The following CPNE4 variants were observed in gnomAD, a reference collection of about 807,000 sequenced individuals.
CPNE4 encodes copine 4.
A neutral mutation model predicts 67.9 loss-of-function variants in CPNE4; 25 were observed. The observed-to-expected ratio is 0.37, with a 90% CI of 0.27 to 0.51. The LOEUF is 0.51. CPNE4 is among the 20% of genes least tolerant of loss of function. CPNE4 has a pLI of 0.93. For synonymous variants in CPNE4, 242 were observed against 244.9 expected (o/e 0.99, Z 0.11); for missense variants, 464 against 690.8 (o/e 0.67, Z 3.68).
At chr3:131,916,508 T>A (rs542126560) in intron 1 of CPNE4, among the ~76,000 whole-genome samples, 6 of 152,220 alleles carry the variant, frequency 3.9e-5, no homozygotes, top group Non-Finnish European at 7.3e-5. Flanking sequence ...TAAGAATTGC[T>A]TCATGTACTT....
intron 1 of CPNE4, among the ~76,000 whole-genome samples, chr3:132,016,904 CTTAAA>C (rs1047910887): frequency 5.9e-5 from 9 of 152,142 alleles, no homozygotes; most frequent in Admixed American, 3.3e-4. Flanking sequence ...TACCTCAATT[CTTAAA>C]TTTAATTTTA....
intron 1 of CPNE4, among the ~76,000 whole-genome samples, chr3:132,013,907 T>C (rs1308439850): frequency 2.0e-5 from 3 of 152,190 alleles, no homozygotes; most frequent in Admixed American, 2.0e-4. Flanking sequence ...GGTCCTAACT[T>C]CTGTATAATG....
chr3:131,980,765 T>G (rs572205084), intron 1 of CPNE4, among the ~76,000 whole-genome samples: 35 of 152,254 alleles, frequency 2.3e-4, no homozygotes, highest in African/African-American at 7.9e-4. Context: ...GGGGTGTTCA[T>G]GAGTCTTGTT....
At chr3:131,956,512 C>T (rs1359808753) in intron 1 of CPNE4, among the ~76,000 whole-genome samples, 2 of 152,132 alleles carry the variant, frequency 1.3e-5, no homozygotes, top group African/African-American at 4.8e-5. Context: ...GAAGAGCATA[C>T]TCATTACTTG....
At position 131,575,101 on chromosome 3, in the gene CPNE4, G is replaced by A. The variant is rs1559923689; in HGVS notation, c.897C>T (p.Tyr299=). 1.9e-6 allele frequency: 3 copies of A among 1,612,820 alleles called. No homozygotes were observed. The highest frequency in any genetic ancestry group is 2.2e-5 in the East Asian group (1 of 44,832). The change falls in exon 10 of 16, where the codon TAC becomes TAT. Residue 299 remains tyrosine, a synonymous_variant. Coordinates refer to ENST00000429747, the MANE Select transcript of CPNE4 (RefSeq NM_130808.3). The part of the protein sequence containing the change: ...KIHKMHSFLD[Y]IMGGCQIQFT... Reference sequence around the variant, plus strand: ...ACTGGATTTGGCAGCCACCCATGATGTAGTCCAAGAAAGAATGCATCTTGT... The same window carrying A: ...ACTGGATTTGGCAGCCACCCATGATATAGTCCAAGAAAGAATGCATCTTGT...
chr3:131,562,544 T>C (rs1171369495), intron 11 of CPNE4, among the ~76,000 whole-genome samples: 2 of 152,082 alleles, frequency 1.3e-5, no homozygotes, highest in African/African-American at 2.4e-5. Context: ...ATCCTGAAGA[T>C]ACTCTCCCCC....
chr3:131,965,348 T>A (rs899203864), intron 1 of CPNE4, among the ~76,000 whole-genome samples: 2 of 152,228 alleles, frequency 1.3e-5, no homozygotes, highest in Non-Finnish European at 2.9e-5. Flanking sequence ...AGTATCATGA[T>A]GACAAGATCA....
chr3:131,770,056 C>A (rs2083127136), intron 2 of CPNE4, among the ~76,000 whole-genome samples: 1 of 152,128 alleles, frequency 6.6e-6, no homozygotes, highest in South Asian at 2.1e-4. Flanking sequence ...CAAGTTCTGT[C>A]ATTTCCATAT....
intron 2 of CPNE4, among the ~76,000 whole-genome samples, chr3:131,770,885 T>C (rs1560277478): frequency 6.6e-6 from 1 of 152,208 alleles, no homozygotes; most frequent in East Asian, 1.9e-4. Context: ...AGCTATGTGC[T>C]AGAGTTGTGT....
rs58052150 is a variant in CPNE4 at position 131,848,699 on chromosome 3, C to T, written c.180+56565G>A. Among the ~76,000 whole-genome samples, 1,123 of 149,980 alleles carry T rather than the reference C, an allele frequency of 7.5e-3. 16 individuals are homozygous for T. The highest frequency in any genetic ancestry group is 0.026 in the African/African-American group (1,084 of 40,936). On this transcript the variant is annotated intron_variant, in intron 2 of 15. Transcript: ENST00000429747. ...AAAAAAAAACCTGCAGATTTGCGCT[C>T]AACCCCAATTTGGTTCATCTGAACA... is the stretch of plus-strand genomic sequence containing the variant.
intron 5 of CPNE4, among the ~76,000 whole-genome samples, chr3:131,692,860 T>C (rs757343906): frequency 6.6e-6 from 1 of 152,194 alleles, no homozygotes; most frequent in Non-Finnish European, 1.5e-5. Flanking sequence ...ATATGAATAC[T>C]TTCTCAAGAA....
chr3:131,537,956 C>T (rs531556334), intron 15 of CPNE4, among the ~76,000 whole-genome samples: 16 of 152,146 alleles, frequency 1.1e-4, no homozygotes, highest in Admixed American at 7.2e-4. Flanking sequence ...GGGGACTGTC[C>T]GGTGCACTGC....
chr3:131,930,752 C>T (rs1467627378), intron 1 of CPNE4, among the ~76,000 whole-genome samples: 2 of 152,106 alleles, frequency 1.3e-5, no homozygotes, highest in Non-Finnish European at 2.9e-5. Flanking sequence ...TGGGCCCTCA[C>T]ATATGGGAGC....
chr3:131,548,323 A>T (rs1385966371), intron 14 of CPNE4, among the ~76,000 whole-genome samples: 4 of 152,144 alleles, frequency 2.6e-5, no homozygotes. Flanking sequence ...GTGTGCAGGC[A>T]TTGTTTTGTG....
chr3:131,683,815 G>T (rs1226103331), intron 6 of CPNE4, among the ~76,000 whole-genome samples: 1 of 152,152 alleles, frequency 6.6e-6, no homozygotes, highest in Non-Finnish European at 1.5e-5. Flanking sequence ...GGCAAAGATT[G>T]CCAGAACTCA....
intron 7 of CPNE4, among the ~76,000 whole-genome samples, chr3:131,611,244 A>G (rs1351536616): frequency 1.3e-5 from 2 of 152,228 alleles, no homozygotes; most frequent in African/African-American, 2.4e-5. Flanking sequence ...ATGTTCATCA[A>G]TGCTGATATG....
At chr3:131,754,397 T>TA (rs2082705506) in intron 2 of CPNE4, among the ~76,000 whole-genome samples, 1 of 152,154 alleles carries the variant, frequency 6.6e-6, no homozygotes, top group African/African-American at 2.4e-5. Context: ...ATTGCTCTTT[T>TA]AAAAGGTGAT....
intron 7 of CPNE4, among the ~76,000 whole-genome samples, chr3:131,633,754 T>C (rs6782879): frequency 0.27 from 41,492 of 151,636 alleles, 9,387 homozygotes; most frequent in African/African-American, 0.62. Context: ...AAATGTTCAA[T>C]GTAACTTTTT....
intron 6 of CPNE4, among the ~76,000 whole-genome samples, chr3:131,684,303 A>G (rs2080831158): frequency 6.6e-6 from 1 of 152,194 alleles, no homozygotes; most frequent in South Asian, 2.1e-4. Flanking sequence ...TAACGGGTGA[A>G]AGACCTCTTT....
Sources: allele counts gnomAD v4.1 joint callset (sites outside exome capture counted in the v4.1 genomes callset), GRCh38; gene constraint gnomAD v4.1.1; transcripts MANE v1.5; gene names NCBI Gene and HGNC (gene_info 2026-07-23, HGNC 2026-07-21).